PLEKHG1: variants seen among roughly 807,000 people sequenced by gnomAD.
PLEKHG1 encodes pleckstrin homology domain-containing family G member 1.
Under a neutral mutation model 100.8 loss-of-function variants are expected in PLEKHG1, and 44 were observed. That is an observed-to-expected ratio of 0.44 (90% CI 0.34 to 0.56). The LOEUF is 0.56. PLEKHG1 is among the 20% of genes least tolerant of loss of function. The probability of loss-of-function intolerance (pLI) is 0.01; values close to 1 mark genes in which losing one functional copy is unlikely to be tolerated. For synonymous variants in PLEKHG1, 640 were observed against 662.5 expected, an observed-to-expected ratio of 0.97 and a Z score of 0.52; for missense variants, 1,545 against 1,720.9, an observed-to-expected ratio of 0.90 and a Z score of 1.81.
chr6:150,786,326 A>G, intron 3 of PLEKHG1, 64 bp from the exon 5 acceptor site: 2 of 1,053,472 alleles, frequency 1.9e-6, no homozygotes, highest in Admixed American at 1.9e-5. Context: ...CTTTTAAATT[A>G]TACAAAATGT....
At chr6:150,813,727 C>G (rs1323750941) in intron 10 of PLEKHG1, among the ~76,000 whole-genome samples, 1 of 152,068 alleles carries the variant, frequency 6.6e-6, no homozygotes, top group African/African-American at 2.4e-5. Context: ...GGAGTCCTGC[C>G]TTAGAGGTGG....
intron 3 of PLEKHG1, among the ~76,000 whole-genome samples, chr6:150,784,573 C>A (rs536531644): frequency 8.5e-5 from 13 of 152,248 alleles, no homozygotes; most frequent in Non-Finnish European, 1.6e-4. Flanking sequence ...AGAAGACCAG[C>A]AAAGGCTATC....
chr6:150,733,400 C>A (rs1782375724), intron 1 of PLEKHG1, among the ~76,000 whole-genome samples, 184 bp from the exon 3 acceptor site: 1 of 152,110 alleles, frequency 6.6e-6, no homozygotes, highest in South Asian at 2.1e-4. Context: ...TAACAGGCAC[C>A]CAGATGATGC....
intron 1 of PLEKHG1, among the ~76,000 whole-genome samples, chr6:150,620,673 G>A (rs568417168): frequency 7.2e-5 from 11 of 152,340 alleles, no homozygotes; most frequent in Middle Eastern, 3.4e-3. Flanking sequence ...AGGACTGTAT[G>A]TCTATATGTG....
chr6:150,657,097 C>G (rs1418148711), intron 3 of PLEKHG1, among the ~76,000 whole-genome samples: 1 of 152,102 alleles, frequency 6.6e-6, no homozygotes, highest in Non-Finnish European at 1.5e-5. Flanking sequence ...TTTGTTTAGA[C>G]CTTTTGCTAT....
intron 10 of PLEKHG1, among the ~76,000 whole-genome samples, chr6:150,814,644 T>TTAAAGCCA (rs144915491): frequency 1.3e-5 from 2 of 152,128 alleles, no homozygotes; most frequent in African/African-American, 4.8e-5. Context: ...AAGCCTGGAT[T>TTAAAGCCA]GGTCTATCTG....
chr6:150,741,140 A>C (rs1782834855), intron 2 of PLEKHG1, among the ~76,000 whole-genome samples: 1 of 152,158 alleles, frequency 6.6e-6, no homozygotes, highest in African/African-American at 2.4e-5. Flanking sequence ...TTCATTTCTA[A>C]TGGGTTTGCC....
intron 6 of PLEKHG1, among the ~76,000 whole-genome samples, chr6:150,803,743 TGC>T (rs1786847619): frequency 6.6e-6 from 1 of 152,214 alleles, no homozygotes; most frequent in Non-Finnish European, 1.5e-5. Flanking sequence ...AATGTCTACT[TGC>T]TATGGAGATA....
At chr6:150,663,001 C>T (rs1422195778) in intron 3 of PLEKHG1, 3 of 152,096 alleles carry the variant, frequency 2.0e-5, no homozygotes, top group Admixed American at 2.0e-4. Flanking sequence ...TTAGAGTACA[C>T]AAGAAAACAG....
At chr6:150,725,736 A>G (rs1040672819) in intron 1 of PLEKHG1, among the ~76,000 whole-genome samples, 3 of 148,746 alleles carry the variant, frequency 2.0e-5, no homozygotes, top group African/African-American at 7.4e-5. Flanking sequence ...GACCAGTGTC[A>G]TGAAGCTTTT....
intron 1 of PLEKHG1, among the ~76,000 whole-genome samples, chr6:150,622,593 A>G (rs1582828089): frequency 6.6e-6 from 1 of 151,844 alleles, no homozygotes; most frequent in Admixed American, 6.6e-5. Flanking sequence ...TGCCATTTCC[A>G]CCCCTCACCA....
At chr6:150,813,114 G>A (rs1787631284) in intron 10 of PLEKHG1, among the ~76,000 whole-genome samples, 1 of 151,962 alleles carries the variant, frequency 6.6e-6, no homozygotes, top group African/African-American at 2.4e-5. Flanking sequence ...GACCATCCTG[G>A]CTAACACGGT....
At chr6:150,725,856 A>G (rs1781937922) in intron 1 of PLEKHG1, among the ~76,000 whole-genome samples, 1 of 152,008 alleles carries the variant, frequency 6.6e-6, no homozygotes, top group African/African-American at 2.4e-5. Context: ...CTATAAGATA[A>G]GGGTTCATTT....
intron 1 of PLEKHG1, among the ~76,000 whole-genome samples, chr6:150,620,979 C>T (rs1777276015): frequency 6.6e-6 from 1 of 152,202 alleles, no homozygotes; most frequent in Admixed American, 6.5e-5. Flanking sequence ...TATCCTGCCT[C>T]TGACAACAAG....
intron 3 of PLEKHG1, among the ~76,000 whole-genome samples, chr6:150,713,639 A>C (rs1180573326): frequency 3.3e-5 from 5 of 152,130 alleles, no homozygotes; most frequent in Non-Finnish European, 5.9e-5. Flanking sequence ...CAGTTCGGAG[A>C]TTGATTCCTG....
intron 10 of PLEKHG1, among the ~76,000 whole-genome samples, chr6:150,811,592 T>TG (rs1482406202): frequency 7.1e-6 from 1 of 141,406 alleles, no homozygotes; most frequent in Non-Finnish European, 1.5e-5. Flanking sequence ...TTTTATTAAG[T>TG]GGGAAAAAAG....
chr6:150,767,358 G>A (rs1196623140), intron 2 of PLEKHG1, among the ~76,000 whole-genome samples: 1 of 152,080 alleles, frequency 6.6e-6, no homozygotes, highest in Admixed American at 6.6e-5. Flanking sequence ...GTTTCTTACC[G>A]AGGTGACTAC....
intron 3 of PLEKHG1, chr6:150,652,117 T>G (rs1778770356): frequency 1.3e-5 from 2 of 152,230 alleles, no homozygotes. Flanking sequence ...TAACGTATTT[T>G]TCTTTAAGAT....
intron 2 of PLEKHG1, among the ~76,000 whole-genome samples, chr6:150,743,785 C>A (rs1783007424): frequency 6.6e-6 from 1 of 151,956 alleles, no homozygotes; most frequent in Non-Finnish European, 1.5e-5. Flanking sequence ...GTTCATTTGA[C>A]CTGCCAGTAG....
Sources: allele counts gnomAD v4.1 joint callset (sites outside exome capture counted in the v4.1 genomes callset), GRCh38; gene constraint gnomAD v4.1.1; transcripts MANE v1.5; gene names NCBI Gene and HGNC (gene_info 2026-07-23, HGNC 2026-07-21).